The following WARS2 variants were observed in gnomAD, a reference collection of about 807,000 sequenced individuals.
WARS2 encodes tryptophan--tRNA ligase, mitochondrial.
Under a neutral mutation model 36.5 loss-of-function variants are expected in WARS2, and 28 were observed. The observed-to-expected ratio is 0.77, with a 90% CI of 0.57 to 1.05. The LOEUF (loss-of-function observed/expected upper bound fraction) is 1.05, where lower values mean the gene tolerates loss of function less well. WARS2 is among the 50% of genes least tolerant of loss of function. The probability of loss-of-function intolerance (pLI) is 0.00; values close to 1 mark genes in which losing one functional copy is unlikely to be tolerated. For synonymous variants in WARS2, 174 were observed against 178.4 expected, an observed-to-expected ratio of 0.98 and a Z score of 0.20; for missense variants, 435 against 456.8, an observed-to-expected ratio of 0.95 and a Z score of 0.44.
rs587706214 is a variant in WARS2, at chr1:119,112,025, C to T, written c.90+28530G>A. Among the ~76,000 whole-genome samples, 23 of 152,032 alleles carry T rather than the reference C, an allele frequency of 1.5e-4. 1 individual carries two copies. In the South Asian group the frequency reaches 2.5e-3, roughly 16 times the overall value. On this transcript the variant is annotated intron_variant, in intron 1 of 5. Transcript: ENST00000235521. ...GCAACCTCCACCTTCTGGGTTCAAG[C>T]GATTCTCCTACCTCAGCCTCCTGAG...
In WARS2 at chr1:119,076,272, CTGTATGAACCAT is replaced by C; in HGVS notation, c.348+66_348+77del. Reference sequence around the variant, plus strand: ...ACTTTTTAAAAATCACGAGCAGGGGCTGTATGAACCATTCAACATTTTTTCCTCAAATAATCT... The same window carrying C: ...ACTTTTTAAAAATCACGAGCAGGGGCTCAACATTTTTTCCTCAAATAATCT... On this transcript the variant is annotated intron_variant, in intron 2 of 5. Coordinates refer to ENST00000235521, the MANE Select transcript of WARS2 (RefSeq NM_015836.4). 3 of 1,534,000 alleles carry C rather than the reference CTGTATGAACCAT, an allele frequency of 2.0e-6. No homozygotes were observed. In the South Asian group the frequency reaches 3.7e-5, roughly 19 times the overall value.
At chr1:119,034,279 A>C (rs1023501106) in intron 4 of WARS2, 66 bp from the exon 5 acceptor site, 1 of 1,262,616 alleles carries the variant, frequency 7.9e-7, no homozygotes, top group African/African-American at 1.5e-5. Flanking sequence ...ATGATATTGC[A>C]AGCAGCTGCA....
chr1:119,084,990 AAC>A, intron 1 of WARS2: 2 of 557,226 alleles, frequency 3.6e-6, no homozygotes, highest in South Asian at 2.4e-5. Flanking sequence ...CGAGCAGCTG[AAC>A]AGTCTTCAGT....
chr1:119,069,589 C>A (rs1651138831), intron 2 of WARS2, among the ~76,000 whole-genome samples: 1 of 152,142 alleles, frequency 6.6e-6, no homozygotes, highest in South Asian at 2.1e-4. Flanking sequence ...GTAATCAGAT[C>A]ATCCAAACAC....
intron 1 of WARS2, among the ~76,000 whole-genome samples, chr1:119,121,433 G>A (rs1655318852): frequency 6.6e-6 from 1 of 151,986 alleles, no homozygotes. Flanking sequence ...TTCATGAATG[G>A]GTAGAATCAA....
At chr1:119,090,279 G>T (rs918350744) in intron 1 of WARS2, among the ~76,000 whole-genome samples, 1 of 152,186 alleles carries the variant, frequency 6.6e-6, no homozygotes, top group African/African-American at 2.4e-5. Flanking sequence ...GGGTGGAGGT[G>T]AGGAGCCCAA....
intron 4 of WARS2, among the ~76,000 whole-genome samples, chr1:119,036,456 C>T (rs3790552): frequency 0.1 from 15,546 of 152,188 alleles, 931 homozygotes; most frequent in Non-Finnish European, 0.14. Flanking sequence ...GAGTGGACTT[C>T]GCTATACCTG....
chr1:119,039,683 C>G (rs939652622), intron 4 of WARS2, among the ~76,000 whole-genome samples: 4 of 152,232 alleles, frequency 2.6e-5, no homozygotes, highest in African/African-American at 9.6e-5. Context: ...CCAAGTTCTG[C>G]CAAAATAGTT....
chr1:119,126,701 G>A (rs587624273), intron 1 of WARS2: 14 of 728,196 alleles, frequency 1.9e-5, no homozygotes, highest in African/African-American at 1.2e-4. Flanking sequence ...CTTTTCTAAC[G>A]AAGACATCAC....
chr1:119,110,739 CCTGT>C (rs1199982774), intron 1 of WARS2, among the ~76,000 whole-genome samples: 4 of 151,840 alleles, frequency 2.6e-5, no homozygotes, highest in Non-Finnish European at 5.9e-5. Context: ...TGATTCTGTT[CCTGT>C]CTCTTTTTCT....
chr1:119,070,289 T>C (rs1213903203), intron 2 of WARS2, among the ~76,000 whole-genome samples: 2 of 152,080 alleles, frequency 1.3e-5, no homozygotes, highest in Non-Finnish European at 2.9e-5. Context: ...TGAGATAAGG[T>C]GTCACTCTGT....
At chr1:119,085,272 G>C in intron 1 of WARS2, 2 of 966,516 alleles carry the variant, frequency 2.1e-6, no homozygotes, top group South Asian at 1.3e-5. Flanking sequence ...TGCCCAACCA[G>C]AGTAGGCAGT....
At chr1:119,082,197 C>T (rs1270057760) in intron 1 of WARS2, 1 of 907,284 alleles carries the variant, frequency 1.1e-6, no homozygotes, top group African/African-American at 1.8e-5. Context: ...AAATGATAAG[C>T]ACTTAATATG....
At chr1:119,091,832 C>T (rs761328428) in intron 1 of WARS2, among the ~76,000 whole-genome samples, 8 of 152,114 alleles carry the variant, frequency 5.3e-5, no homozygotes, top group Non-Finnish European at 1.0e-4. Context: ...AATGTGTCGG[C>T]CTGGGAGCAG....
chr1:119,127,765 C>T (rs2101557394), intron 1 of WARS2, among the ~76,000 whole-genome samples: 1 of 152,274 alleles, frequency 6.6e-6, no homozygotes, highest in South Asian at 2.1e-4. Flanking sequence ...CTCTGGACTA[C>T]ATTTTTTCCC....
chr1:119,040,900 A>C (rs1648292321), intron 4 of WARS2, among the ~76,000 whole-genome samples: 1 of 152,202 alleles, frequency 6.6e-6, no homozygotes, highest in Admixed American at 6.5e-5. Context: ...CTTATTGGAG[A>C]ATATTGTTCT....
intron 1 of WARS2, among the ~76,000 whole-genome samples, chr1:119,130,023 G>A (rs587656188): frequency 4.6e-5 from 7 of 152,164 alleles, no homozygotes; most frequent in South Asian, 2.1e-4. Context: ...ATCGTGTAAC[G>A]GTGCAGTGAG....
intron 1 of WARS2, among the ~76,000 whole-genome samples, chr1:119,092,883 A>T (rs1653142006): frequency 6.6e-6 from 1 of 152,244 alleles, no homozygotes; most frequent in Non-Finnish European, 1.5e-5. Flanking sequence ...GTTTCTCAAT[A>T]CAATTTCATT....
intron 1 of WARS2, among the ~76,000 whole-genome samples, chr1:119,106,758 A>G (rs978043740): frequency 3.9e-5 from 6 of 152,234 alleles, no homozygotes; most frequent in Non-Finnish European, 8.8e-5. Flanking sequence ...TTATAAATAA[A>G]GCTGCCACAA....
Sources: allele counts gnomAD v4.1 joint callset (sites outside exome capture counted in the v4.1 genomes callset), GRCh38; gene constraint gnomAD v4.1.1; transcripts MANE v1.5; gene names NCBI Gene and HGNC (gene_info 2026-07-23, HGNC 2026-07-21).